The following RBPJ variants were observed in gnomAD, a reference collection of about 807,000 sequenced individuals.
RBPJ encodes the protein recombination signal binding protein for immunoglobulin kappa J region.
A neutral mutation model predicts 67.8 loss-of-function variants in RBPJ; 9 were observed. That is an observed-to-expected ratio of 0.13 (90% CI 0.08 to 0.23). The LOEUF (loss-of-function observed/expected upper bound fraction) is 0.23. Among genes scored for constraint, RBPJ ranks in the 10% least tolerant of loss-of-function variants. The pLI is 1.00. For synonymous variants in RBPJ, 198 were observed against 203.3 expected, an observed-to-expected ratio of 0.97 and a Z score of 0.22; for missense variants, 305 against 595.6, an observed-to-expected ratio of 0.51 and a Z score of 5.08.
At chr4:26,292,473 T>C (rs1425593866) in intron 1 of RBPJ, among the ~76,000 whole-genome samples, 1 of 150,584 alleles carries the variant, frequency 6.6e-6, no homozygotes, top group Non-Finnish European at 1.5e-5. Context: ...CAGGCTGGTA[T>C]GCAGTGGCAC....
Position 26,331,235 on chromosome 4 carries a change from A to C in RBPJ, c.20+10187A>C, listed in dbSNP as rs542022906. Among the ~76,000 whole-genome samples, 110 of 152,076 alleles carry C rather than the reference A, an allele frequency of 7.2e-4. 1 individual carries two copies. Among genetic ancestry groups the C allele is most frequent in the African/African-American group, 2.6e-3 (108 of 41,476 alleles). On this transcript the variant is annotated intron_variant, in intron 1 of 10. Coordinates refer to ENST00000355476, the MANE Select transcript of RBPJ (RefSeq NM_015874.6). ...CACTTGAGCTTCCTGAGTAGTTGGG[A>C]CTAGGTGCACGCCACCATGCCTAGC...
intron 1 of RBPJ, among the ~76,000 whole-genome samples, chr4:26,284,699 C>A (rs1721402339): frequency 6.6e-6 from 1 of 152,038 alleles, no homozygotes. Flanking sequence ...CAACTCCTGA[C>A]CTCAAATTCG....
chr4:26,364,977 C>T (rs1051177129), intron 1 of RBPJ, among the ~76,000 whole-genome samples: 4 of 151,908 alleles, frequency 2.6e-5, no homozygotes, highest in African/African-American at 9.7e-5. Context: ...ACCTCACCTG[C>T]ATTTCAAATC....
At chr4:26,389,918 A>G (rs904871423) in intron 2 of RBPJ, among the ~76,000 whole-genome samples, 2 of 152,192 alleles carry the variant, frequency 1.3e-5, no homozygotes, top group Non-Finnish European at 2.9e-5. Context: ...ATTGGAGAGC[A>G]GGACATACTT....
chr4:26,109,840 A>G, the RBPJ span, among the ~76,000 whole-genome samples: 2 of 151,790 alleles, frequency 1.3e-5, no homozygotes, highest in African/African-American at 4.8e-5. Flanking sequence ...CTTATAACCA[A>G]CTGATTGAAT....
chr4:26,215,391 GAGGAAGGAAGGGGGGGGA>G (rs1718678835), intron 1 of RBPJ, among the ~76,000 whole-genome samples: 2 of 31,628 alleles, frequency 6.3e-5, no homozygotes, highest in African/African-American at 2.4e-4. Flanking sequence ...GGGAGGGAGA[GAGGAAGGAAGGGGGGGGA>G]AGGAAGGAAG....
At chr4:26,152,137 C>A in the RBPJ span, among the ~76,000 whole-genome samples, 1 of 152,190 alleles carries the variant, frequency 6.6e-6, no homozygotes, top group Non-Finnish European at 1.5e-5. Flanking sequence ...TATGATAAAA[C>A]ATTACAATTT....
chr4:26,292,632 G>A (rs1321916285), intron 1 of RBPJ, among the ~76,000 whole-genome samples: 2 of 150,230 alleles, frequency 1.3e-5, no homozygotes, highest in Non-Finnish European at 3.0e-5. Context: ...ATGTTGGCCA[G>A]GCTGGTCTCA....
At chr4:26,262,124 T>G (rs1301871076) in intron 1 of RBPJ, among the ~76,000 whole-genome samples, 2 of 151,992 alleles carry the variant, frequency 1.3e-5, no homozygotes, top group African/African-American at 4.8e-5. Flanking sequence ...TTTTTATTTT[T>G]TATGGAGATG....
chr4:26,351,224 C>T (rs368733099), intron 1 of RBPJ, among the ~76,000 whole-genome samples: 2 of 152,188 alleles, frequency 1.3e-5, no homozygotes, highest in South Asian at 2.1e-4. Flanking sequence ...TACATTAGTG[C>T]GTGATCTCTG....
rs1036355947 is a variant in RBPJ, at chr4:26,424,549, A to G, written c.634+70A>G. ...TAAAATCTTTTGATGAGATACATGG[A>G]TATATTAAGTTTTGTCATTTGCCTA... is the stretch of plus-strand genomic sequence containing the variant. On this transcript the variant is annotated intron_variant, in intron 6 of 10. Coordinates refer to ENST00000355476, the MANE Select transcript of RBPJ (RefSeq NM_015874.6). The surrounding 1 kb of genome is among the most constrained non-coding windows in gnomAD (Gnocchi z 5.3). 1.9e-6 allele frequency: 3 copies of G among 1,566,594 alleles called. No individual in the cohort carries two copies. In the African/African-American group the frequency reaches 4.1e-5, roughly 21 times the overall value.
chr4:26,360,678 C>G (rs1310412291), intron 1 of RBPJ, among the ~76,000 whole-genome samples: 1 of 150,382 alleles, frequency 6.6e-6, no homozygotes, highest in African/African-American at 2.4e-5. Flanking sequence ...ACTGCAACCT[C>G]TGCTTCCCAG....
intron 1 of RBPJ, among the ~76,000 whole-genome samples, chr4:26,340,762 GGCA>G (rs1304478738): frequency 1.3e-5 from 2 of 151,960 alleles, no homozygotes; most frequent in Non-Finnish European, 2.9e-5. Flanking sequence ...GGGAGGCTGA[GGCA>G]GGAGAATCGC....
chr4:26,214,974 G>T (rs577768828), intron 1 of RBPJ, among the ~76,000 whole-genome samples: 4 of 17,272 alleles, frequency 2.3e-4, no homozygotes, highest in East Asian at 0.01. Context: ...GAGGGAGGGA[G>T]GGAAGGAAGG....
chr4:26,315,636 A>AG (rs1301487817), upstream of RBPJ, among the ~76,000 whole-genome samples: 1 of 152,082 alleles, frequency 6.6e-6, no homozygotes, highest in African/African-American at 2.4e-5. Flanking sequence ...AGGGTTCGAG[A>AG]GCAGAGAACT....
upstream of RBPJ, among the ~76,000 whole-genome samples, chr4:26,158,947 C>CTCTCTCTCTG (rs1716026975): frequency 1.9e-5 from 1 of 51,402 alleles, no homozygotes; most frequent in Admixed American, 2.1e-4. Context: ...CTCTCTCTTT[C>CTCTCTCTCTG]TCTCTCTCTC....
chr4:26,197,555 G>A (rs1327477268), intron 1 of RBPJ, among the ~76,000 whole-genome samples: 2 of 152,176 alleles, frequency 1.3e-5, no homozygotes, highest in Non-Finnish European at 2.9e-5. Flanking sequence ...TTTGATCTCG[G>A]CACTGATGCT....
At chr4:26,263,860 G>A (rs1196148857) in intron 1 of RBPJ, among the ~76,000 whole-genome samples, 2 of 149,882 alleles carry the variant, frequency 1.3e-5, no homozygotes, top group Non-Finnish European at 3.0e-5. Flanking sequence ...GTGAGCCACA[G>A]CACCCAGTCT....
intron 2 of RBPJ, among the ~76,000 whole-genome samples, chr4:26,404,461 A>G (rs1000967357): frequency 1.8e-4 from 28 of 152,064 alleles, no homozygotes; most frequent in African/African-American, 6.5e-4. Context: ...ACAAATGTCC[A>G]ATTTTCAAAG....
Sources: allele counts gnomAD v4.1 joint callset (sites outside exome capture counted in the v4.1 genomes callset), GRCh38; gene constraint gnomAD v4.1.1; non-coding constraint Gnocchi (gnomAD v3.1); transcripts MANE v1.5; gene names NCBI Gene and HGNC (gene_info 2026-07-23, HGNC 2026-07-21).